C11orf65: variants seen among roughly 807,000 people sequenced by gnomAD.
C11orf65 encodes the protein protein MFI.
A neutral mutation model predicts 35.3 loss-of-function variants in C11orf65; 38 were observed. The observed-to-expected ratio is 1.08, with a 90% CI of 0.83 to 1.41. The LOEUF (loss-of-function observed/expected upper bound fraction) is 1.41, where lower values mean the gene tolerates loss of function less well. Among genes scored for constraint, C11orf65 ranks in the 40% most tolerant of loss-of-function variants. The pLI is 0.00. For synonymous variants in C11orf65, 105 were observed against 114.4 expected, an observed-to-expected ratio of 0.92 and a Z score of 0.53; for missense variants, 370 against 367.1, an observed-to-expected ratio of 1.01 and a Z score of -0.06.
intron 8 of C11orf65, among the ~76,000 whole-genome samples, chr11:108,384,011 T>A (rs1264123302): frequency 6.6e-6 from 1 of 152,018 alleles, no homozygotes; most frequent in Non-Finnish European, 1.5e-5. Context: ...TACAGGTGTA[T>A]GCCACCATGC....
chr11:108,356,312 G>T (rs1215774579), intron 2 of C11orf65, among the ~76,000 whole-genome samples: 1 of 152,152 alleles, frequency 6.6e-6, no homozygotes, highest in African/African-American at 2.4e-5. Context: ...GAGACAGGTG[G>T]ATCACCTGAG....
At chr11:108,334,351 T>TATATC (rs1324603246) in intron 3 of C11orf65, among the ~76,000 whole-genome samples, 8 of 152,210 alleles carry the variant, frequency 5.3e-5, no homozygotes, top group African/African-American at 1.9e-4. Flanking sequence ...TTGGCTGTGA[T>TATATC]ATATCACAGT....
chr11:108,408,688 T>TAAAATAAAATAAAATAAA (rs1263157284), intron 3 of C11orf65, among the ~76,000 whole-genome samples: 2 of 81,568 alleles, frequency 2.5e-5, no homozygotes, highest in Non-Finnish European at 4.4e-5. Context: ...TAAAATAAAA[T>TAAAATAAAATAAAATAAA]AAAATAAAAT....
intron 2 of C11orf65, among the ~76,000 whole-genome samples, chr11:108,370,540 A>G (rs2091535227): frequency 6.7e-6 from 1 of 148,186 alleles, no homozygotes; most frequent in Non-Finnish European, 1.5e-5. Context: ...ATATTGGGAC[A>G]TTCTAGTCCT....
At chr11:108,379,180 A>AT (rs1258969022), downstream of C11orf65, among the ~76,000 whole-genome samples, 1 of 152,172 alleles carries the variant, frequency 6.6e-6, no homozygotes, top group Non-Finnish European at 1.5e-5. Flanking sequence ...ATGCACACGT[A>AT]TGTTTATTGC....
intron 2 of C11orf65, among the ~76,000 whole-genome samples, chr11:108,433,614 A>AAAAC (rs1334501137): frequency 2.8e-5 from 3 of 106,850 alleles, no homozygotes; most frequent in South Asian, 2.9e-4. Flanking sequence ...CAAAACAAAA[A>AAAAC]AAGTACCAAA....
chr11:108,368,801 TG>T (rs2091460263), intron 2 of C11orf65: 1 of 207,906 alleles, frequency 4.8e-6, no homozygotes, highest in Non-Finnish European at 9.8e-6. Context: ...CACAAACTCT[TG>T]GTCATTATAG....
rs1555114602 is a variant in C11orf65 at position 108,317,398 on chromosome 11, A to G, written c.641-8327T>C. On this transcript the variant is annotated intron_variant, in intron 6 of 6. Coordinates refer to the C11orf65 transcript ENST00000525729. ...GCCTTGCAGAATTTGGGACTCTGCC[A>G]TATTCTTTCCGTCTATTTAAAAGGA... The G allele has an allele frequency of 6.2e-7, 1 of 1,612,326 alleles. No individual in the cohort carries two copies. The highest frequency in any genetic ancestry group is 8.5e-7 in the Non-Finnish European group (1 of 1,179,084).
At chr11:108,459,102 T>A (rs2093440905) in intron 2 of C11orf65, among the ~76,000 whole-genome samples, 1 of 152,164 alleles carries the variant, frequency 6.6e-6, no homozygotes, top group Non-Finnish European at 1.5e-5. Flanking sequence ...ATGGGTATCG[T>A]CAAGTAGCCA....
In C11orf65 at chr11:108,335,910, G is replaced by A. The variant is rs759069006; in HGVS notation, c.227-618C>T. The A allele has an allele frequency of 6.2e-6, 10 of 1,613,880 alleles. No individual in the cohort carries two copies. The highest frequency in any genetic ancestry group is 7.6e-6 in the Non-Finnish European group (9 of 1,179,956). ...TCTTCCAGATGTGTAATACATTACT[G>A]CAGAGAAACACGGAAACTAGGAAGA... On this transcript the variant is annotated intron_variant, in intron 2 of 3. Transcript: ENST00000524755.
chr11:108,374,223 A>C (rs968472856), intron 2 of C11orf65, among the ~76,000 whole-genome samples: 10 of 152,108 alleles, frequency 6.6e-5, no homozygotes, highest in African/African-American at 2.4e-4. Flanking sequence ...GAGCAGCCTA[A>C]CCGGGAGGCA....
chr11:108,456,915 T>A (rs919901940), intron 2 of C11orf65, among the ~76,000 whole-genome samples: 3 of 152,164 alleles, frequency 2.0e-5, no homozygotes, highest in African/African-American at 4.8e-5. Context: ...GAGAAGATAT[T>A]CAACACATAT....
chr11:108,386,070 T>A, intron 7 of C11orf65, 95 bp from the exon 8 acceptor site: 1 of 1,023,074 alleles, frequency 9.8e-7, no homozygotes, highest in Non-Finnish European at 1.5e-6. Context: ...AATCTTAGAT[T>A]AATGATGGCA....
At chr11:108,350,299 G>A (rs746101553) in intron 2 of C11orf65, among the ~76,000 whole-genome samples, 1 of 152,306 alleles carries the variant, frequency 6.6e-6, no homozygotes, top group East Asian at 1.9e-4. Context: ...GCACTGATGA[G>A]AGTAATCAAA....
intron 2 of C11orf65, among the ~76,000 whole-genome samples, chr11:108,356,712 A>C (rs2089969455): frequency 6.6e-6 from 1 of 152,160 alleles, no homozygotes; most frequent in Admixed American, 6.5e-5. Context: ...CACCAGAAGA[A>C]GGTAGTTCTT....
At position 108,368,950 on chromosome 11, in the gene C11orf65, G is replaced by GAAAT. The variant is rs878931713; in HGVS notation, c.226+24254_226+24257dup. ...AAAAAGAAAGCCAGTATATTGGTTT[G>GAAAT]AAATATAGAGATGTGTCCCAATTTC... On this transcript the variant is annotated intron_variant, in intron 2 of 3. Coordinates refer to the C11orf65 transcript ENST00000524755. 4 of 190,608 alleles carry GAAAT rather than the reference G, an allele frequency of 2.1e-5. No homozygotes were observed. In the South Asian group the frequency reaches 7.8e-4, roughly 37 times the overall value. 11.8% of individuals were successfully genotyped at this position (190,608 alleles called of 1,614,324 possible). A position where few individuals can be genotyped will look rare whatever the true frequency, so the allele number is the denominator to read the frequency against.
At chr11:108,463,047 G>A (rs2093491099) in intron 1 of C11orf65, among the ~76,000 whole-genome samples, 2 of 152,118 alleles carry the variant, frequency 1.3e-5, no homozygotes, top group Non-Finnish European at 2.9e-5. Context: ...GATGGCTTGA[G>A]CCCAGGAGTT....
chr11:108,327,751 T>C (rs1169558907), downstream of C11orf65: 1 of 1,613,210 alleles, frequency 6.2e-7, no homozygotes, highest in South Asian at 1.1e-5. Context: ...CAGACCTATC[T>C]AGAAAAGGTA....
intron 2 of C11orf65, among the ~76,000 whole-genome samples, chr11:108,457,170 A>G (rs1332110538): frequency 2.6e-5 from 4 of 152,018 alleles, no homozygotes; most frequent in Non-Finnish European, 5.9e-5. Flanking sequence ...TAGAGGAATT[A>G]AAAAAAAACA....
Sources: gnomAD v4.1 joint callset for allele counts (sites outside exome capture counted in the v4.1 genomes callset) on GRCh38, gnomAD v4.1.1 for gene constraint, MANE v1.5 for transcripts, NCBI Gene and HGNC (gene_info 2026-07-23, HGNC 2026-07-21) for gene names.